THRB: variants seen among roughly 807,000 people sequenced by gnomAD.
THRB encodes nuclear receptor subfamily 1 group A member 2.
THRB carries 12 observed loss-of-function variants against 47.8 expected under a neutral mutation model. That is an observed-to-expected ratio of 0.25 (90% confidence interval 0.16 to 0.41). THRB has a LOEUF of 0.41. Among genes scored for constraint, THRB ranks in the 10% least tolerant of loss-of-function variants. The pLI, the probability that THRB is intolerant of heterozygous loss-of-function variation, is 1.00. For missense variants in THRB, 348 were observed against 589.2 expected, an observed-to-expected ratio of 0.59 and a Z score of 4.24; for synonymous variants, 218 against 212.2, an observed-to-expected ratio of 1.03 and a Z score of -0.24.
intron 1 of THRB, among the ~76,000 whole-genome samples, chr3:24,483,203 G>A (rs1696737697): frequency 6.6e-6 from 1 of 151,892 alleles, no homozygotes; most frequent in Non-Finnish European, 1.5e-5. Flanking sequence ...CTATAGACCT[G>A]GCTGAGTATT....
intron 9 of THRB, among the ~76,000 whole-genome samples, chr3:24,131,470 G>C (rs73136691): frequency 6.6e-6 from 1 of 152,186 alleles, no homozygotes; most frequent in East Asian, 1.9e-4. Flanking sequence ...TTTAGGGGTG[G>C]GGTATGAGTC....
chr3:24,423,941 A>T (rs1160400428), intron 1 of THRB, among the ~76,000 whole-genome samples: 1 of 151,880 alleles, frequency 6.6e-6, no homozygotes, highest in East Asian at 1.9e-4. Context: ...CTTTCCAGGG[A>T]CATATTAAGC....
intron 1 of THRB, among the ~76,000 whole-genome samples, chr3:24,381,979 A>G (rs943359342): frequency 6.6e-6 from 1 of 152,168 alleles, no homozygotes; most frequent in Admixed American, 6.5e-5. Flanking sequence ...AGCATATAGG[A>G]AAGAGGAAAG....
At chr3:24,217,948 A>C (rs746670759) in intron 4 of THRB, among the ~76,000 whole-genome samples, 1 of 152,284 alleles carries the variant, frequency 6.6e-6, no homozygotes, top group Middle Eastern at 3.4e-3. Context: ...TTCAAATCTT[A>C]TGTTTAGATT....
chr3:24,430,503 G>T (rs970501719), intron 1 of THRB, among the ~76,000 whole-genome samples: 6 of 151,850 alleles, frequency 4.0e-5, no homozygotes, highest in Non-Finnish European at 5.9e-5. Flanking sequence ...TAAACGTAAA[G>T]ACAACATTTT....
intron 1 of THRB, chr3:24,458,017 T>A (rs1436043909): frequency 7.0e-6 from 1 of 143,458 alleles, no homozygotes; most frequent in Non-Finnish European, 1.5e-5. Context: ...CCAACAGGTC[T>A]GGGGTGGGGC....
chr3:24,222,289 C>T (rs1297234100), intron 4 of THRB, among the ~76,000 whole-genome samples: 1 of 152,132 alleles, frequency 6.6e-6, no homozygotes, highest in Non-Finnish European at 1.5e-5. Flanking sequence ...GTTTTCCCTT[C>T]CTTTGCTTTC....
chr3:24,245,929 A>C (rs1415548378), intron 3 of THRB, among the ~76,000 whole-genome samples: 1 of 152,038 alleles, frequency 6.6e-6, no homozygotes, highest in East Asian at 1.9e-4. Context: ...ATACAAAGCA[A>C]AACAAAACAA....
rs747448940 is a variant in THRB at position 24,122,862 on chromosome 3, T to G, written c.*22A>C. ...TGACACCCAGTAGTGCTGTAGGAAT[T>G]ATGAGAATGAATCCAGTCAGTCTAA... On this transcript the variant is annotated 3_prime_UTR_variant, in exon 11 of 11. Transcript: ENST00000646209. 3.2e-5 allele frequency: 51 copies of G among 1,614,102 alleles called. 2 individuals are homozygous for G. In the South Asian group the frequency reaches 5.2e-4, roughly 16 times the overall value.
In THRB at chr3:24,394,872, T is replaced by C. The variant is rs1464376245; in HGVS notation, c.-260-57501A>G. ...ACCTCAGCTTACTAAATAGAGACTA[T>C]GTAAATGTGTTTGTTGGTAGCTCCA... On this transcript the variant is annotated intron_variant, in intron 1 of 10. Transcript: ENST00000646209. 3.3e-5 allele frequency among the ~76,000 whole-genome samples: 5 copies of C among 152,090 alleles called. No individual in the cohort carries two copies. The East Asian group carries it at 5.8e-4, about 18-fold the overall frequency.
rs758160589 is a variant in THRB at position 24,190,163 on chromosome 3, C to G, written c.194G>C (p.Ser65Thr). 50 of 1,614,000 alleles carry G rather than the reference C, an allele frequency of 3.1e-5. No individual in the cohort carries two copies. The highest frequency in any genetic ancestry group is 4.2e-5 in the Non-Finnish European group (50 of 1,179,982). Residue 65 changes from serine to threonine, a missense_variant, in exon 5 of 11, where the codon AGC becomes ACC. Physicochemically the swap from Ser to Thr is moderately conservative, Grantham distance 58 (BLOSUM62 1). Around this residue, in one of 5 missense-constraint regions of THRB, gnomAD observed 148 missense variants for 122.3 expected, o/e 1.21. Coordinates refer to ENST00000646209, the MANE Select transcript of THRB (RefSeq NM_001354712.2). ...SPHLIQTTWT[S>T]SIFHLDHDDV... ...ATCATGGTCCAGATGGAATATTGAGCTAGTCCAAGTGGTCTGGATGAGATG... is the reference window on the plus strand; with the variant it reads ...ATCATGGTCCAGATGGAATATTGAGGTAGTCCAAGTGGTCTGGATGAGATG...
At chr3:24,306,176 T>C (rs2057324208) in intron 2 of THRB, among the ~76,000 whole-genome samples, 2 of 152,316 alleles carry the variant, frequency 1.3e-5, no homozygotes, top group Admixed American at 1.3e-4. Context: ...GGGGTTTGCT[T>C]TGGCATGCAG....
chr3:24,322,057 T>A (rs73148391), intron 2 of THRB, among the ~76,000 whole-genome samples: 1 of 152,120 alleles, frequency 6.6e-6, no homozygotes, highest in South Asian at 2.1e-4. Flanking sequence ...TACTGGGTTA[T>A]AGTATAAGGC....
At position 24,286,773 on chromosome 3, in the gene THRB, C is replaced by G. The variant is rs552142148; in HGVS notation, c.-43+10453G>C. 2.4e-3 allele frequency among the ~76,000 whole-genome samples: 370 copies of G among 152,212 alleles called. 1 individual carries two copies. Among genetic ancestry groups the G allele is most frequent in the Non-Finnish European group, 4.3e-3 (292 of 68,002 alleles). On this transcript the variant is annotated intron_variant, in intron 3 of 10. Transcript: ENST00000646209. Reference sequence around the variant, plus strand: ...ATTGCAACATCTCCTTCTATGAAAACACTATTTTTTTAATACCTTTCTTTA... The same window carrying G: ...ATTGCAACATCTCCTTCTATGAAAAGACTATTTTTTTAATACCTTTCTTTA...
At chr3:24,332,867 TA>T (rs2062011892) in intron 2 of THRB, among the ~76,000 whole-genome samples, 1 of 152,032 alleles carries the variant, frequency 6.6e-6, no homozygotes, top group African/African-American at 2.4e-5. Context: ...CCATCCTGGC[TA>T]ACATGGTGAA....
intron 1 of THRB, among the ~76,000 whole-genome samples, chr3:24,362,394 T>C (rs2064142313): frequency 6.6e-6 from 1 of 152,190 alleles, no homozygotes; most frequent in Non-Finnish European, 1.5e-5. Flanking sequence ...TAAGAGATGC[T>C]CTTCCCCTAG....
intron 5 of THRB, among the ~76,000 whole-genome samples, chr3:24,179,986 T>C (rs1476191345): frequency 6.6e-6 from 1 of 152,242 alleles, no homozygotes; most frequent in African/African-American, 2.4e-5. Flanking sequence ...CTATGTTTTG[T>C]CTTAAATATT....
At chr3:24,261,041 C>G (rs940913369) in intron 3 of THRB, among the ~76,000 whole-genome samples, 10 of 119,864 alleles carry the variant, frequency 8.3e-5, no homozygotes, top group Non-Finnish European at 3.4e-5. Flanking sequence ...GGGCCCACAC[C>G]TGGTCCTATC....
intron 3 of THRB, among the ~76,000 whole-genome samples, chr3:24,268,292 T>C (rs1051097222): frequency 6.6e-6 from 1 of 152,090 alleles, no homozygotes; most frequent in African/African-American, 2.4e-5. Context: ...GACTAAACAA[T>C]TGGTGAAATT....
Sources: allele counts gnomAD v4.1 joint callset (sites outside exome capture counted in the v4.1 genomes callset), GRCh38; gene constraint gnomAD v4.1.1; regional missense constraint gnomAD v4.1.1; transcripts MANE v1.5; gene names NCBI Gene and HGNC (gene_info 2026-07-23, HGNC 2026-07-21).